The following CTNNA3 variants were observed in gnomAD, a reference collection of about 807,000 sequenced individuals.
The protein encoded by CTNNA3 is catenin alpha-3.
Under a neutral mutation model 95.7 loss-of-function variants are expected in CTNNA3, and 76 were observed. That is an observed-to-expected ratio of 0.79 (90% CI 0.66 to 0.96). The LOEUF is 0.96. Ranked by LOEUF, CTNNA3 falls within the 40% of genes least tolerant of loss-of-function variation. The pLI is 0.00. For synonymous variants in CTNNA3, 431 were observed against 374.4 expected, an observed-to-expected ratio of 1.15 and a Z score of -1.74; for missense variants, 1,191 against 1,089.8, an observed-to-expected ratio of 1.09 and a Z score of -1.31.
At chr10:66,910,679 G>A (rs77216929) in intron 7 of CTNNA3, among the ~76,000 whole-genome samples, 12,657 of 152,234 alleles carry the variant, frequency 0.083, 606 homozygotes, top group Middle Eastern at 0.13. Context: ...AGAGCTGTGA[G>A]GCAGAACAGA....
chr10:67,682,311 A>T (rs2133570584), intron 1 of CTNNA3, among the ~76,000 whole-genome samples: 1 of 151,170 alleles, frequency 6.6e-6, no homozygotes, highest in African/African-American at 2.4e-5. Flanking sequence ...TGGGTGACAG[A>T]GCGAGACTCT....
At chr10:66,197,816 C>T (rs2131902956) in intron 13 of CTNNA3, among the ~76,000 whole-genome samples, 1 of 152,216 alleles carries the variant, frequency 6.6e-6, no homozygotes, top group African/African-American at 2.4e-5. Flanking sequence ...CAAACACCAG[C>T]TTCATGTAAG....
intron 1 of CTNNA3, among the ~76,000 whole-genome samples, chr10:67,735,900 T>A (rs1010052229): frequency 1.1e-4 from 16 of 152,154 alleles, no homozygotes; most frequent in Non-Finnish European, 1.9e-4. Flanking sequence ...AAGGTAGAAA[T>A]AATCCAATGA....
chr10:67,134,044 A>G (rs1017577185), intron 7 of CTNNA3, among the ~76,000 whole-genome samples: 2 of 152,106 alleles, frequency 1.3e-5, no homozygotes, highest in Non-Finnish European at 1.5e-5. Flanking sequence ...GATTTGCCCA[A>G]TGTTACACAG....
chr10:66,858,771 C>G (rs368277640), intron 7 of CTNNA3, among the ~76,000 whole-genome samples: 4 of 151,864 alleles, frequency 2.6e-5, no homozygotes, highest in African/African-American at 9.6e-5. Flanking sequence ...AGTTGGATAT[C>G]CTCTCTTTTT....
At chr10:66,511,014 T>A (rs755678272) in intron 11 of CTNNA3, among the ~76,000 whole-genome samples, 1 of 151,834 alleles carries the variant, frequency 6.6e-6, no homozygotes, top group Non-Finnish European at 1.5e-5. Flanking sequence ...ATCCATCTGG[T>A]CTTGGACTTT....
Position 66,817,314 on chromosome 10 carries a change from A to C in CTNNA3, c.1048-41790T>G, listed in dbSNP as rs561209668. ...CAAATCAAGAAAATAATAATAATTA[A>C]ACTAGAAATAAATGATAAAAGAGGA... On this transcript the variant is annotated intron_variant, in intron 7 of 17. Coordinates refer to ENST00000433211, the MANE Select transcript of CTNNA3 (RefSeq NM_013266.4). 2.4e-3 allele frequency among the ~76,000 whole-genome samples: 361 copies of C among 152,038 alleles called. 2 individuals are homozygous for C. The highest frequency in any genetic ancestry group is 8.2e-3 in the African/African-American group (341 of 41,560).
intron 9 of CTNNA3, among the ~76,000 whole-genome samples, chr10:66,764,548 T>G (rs1839762897): frequency 6.6e-6 from 1 of 152,196 alleles, no homozygotes; most frequent in Non-Finnish European, 1.5e-5. Context: ...AAAACTAAAC[T>G]GAGAAATAGG....
In CTNNA3 at chr10:66,367,493, A is replaced by T. The variant is rs533408719; in HGVS notation, c.1732+11659T>A. On this transcript the variant is annotated intron_variant, in intron 12 of 17. Transcript: ENST00000433211. ...CATATAATACATATATTTATATATA[A>T]TATTGTAAATATATAGAAACATATG... Among the ~76,000 whole-genome samples the T allele has an allele frequency of 4.0e-5, 6 of 149,732 alleles. No individual in the cohort carries two copies. In the East Asian group the frequency reaches 1.2e-3, roughly 29 times the overall value.
intron 13 of CTNNA3, among the ~76,000 whole-genome samples, chr10:66,131,980 C>A (rs750278216): frequency 2.3e-4 from 35 of 151,942 alleles, no homozygotes; most frequent in Non-Finnish European, 4.4e-4. Flanking sequence ...CCATTCAGGA[C>A]GTGGGAAGGG....
intron 5 of CTNNA3, among the ~76,000 whole-genome samples, chr10:67,462,255 T>G (rs1847406188): frequency 6.6e-6 from 1 of 152,162 alleles, no homozygotes; most frequent in African/African-American, 2.4e-5. Context: ...GACAGATGCC[T>G]TCTCTGACTC....
chr10:66,439,476 G>A (rs1231752249), intron 11 of CTNNA3, among the ~76,000 whole-genome samples: 1 of 152,064 alleles, frequency 6.6e-6, no homozygotes, highest in African/African-American at 2.4e-5. Context: ...GTTAGCATGT[G>A]CATATTTCTG....
chr10:67,172,091 T>G (rs971466792), intron 7 of CTNNA3, among the ~76,000 whole-genome samples: 1 of 152,246 alleles, frequency 6.6e-6, no homozygotes, highest in Admixed American at 6.5e-5. Flanking sequence ...GCACAGGCTC[T>G]TACCCCTTTC....
At chr10:67,158,198 C>T (rs1345555723) in intron 7 of CTNNA3, among the ~76,000 whole-genome samples, 5 of 152,196 alleles carry the variant, frequency 3.3e-5, no homozygotes, top group Middle Eastern at 3.4e-3. Context: ...CTCCTGGCTT[C>T]CCTGTCTATG....
chr10:65,925,951 A>G (rs765838707), intron 17 of CTNNA3, among the ~76,000 whole-genome samples: 60 of 151,570 alleles, frequency 4.0e-4, no homozygotes, highest in Non-Finnish European at 6.9e-4. Context: ...TACACATAAT[A>G]TATAAAATGA....
chr10:66,073,981 C>T (rs1484068017), intron 14 of CTNNA3, among the ~76,000 whole-genome samples: 1 of 152,010 alleles, frequency 6.6e-6, no homozygotes, highest in East Asian at 1.9e-4. Flanking sequence ...ATTACAGACA[C>T]TCGGAAGCCT....
chr10:66,435,340 G>T (rs1311317504), intron 11 of CTNNA3, among the ~76,000 whole-genome samples: 1 of 151,976 alleles, frequency 6.6e-6, no homozygotes, highest in African/African-American at 2.4e-5. Context: ...TTATTGTTCT[G>T]TTCAGAGATT....
At chr10:67,275,556 G>A (rs565839788) in intron 5 of CTNNA3, among the ~76,000 whole-genome samples, 37 of 152,002 alleles carry the variant, frequency 2.4e-4, no homozygotes, top group African/African-American at 8.2e-4. Context: ...AAGAATAACA[G>A]TAAACCCTAA....
At chr10:67,132,914 C>T (rs1339487006) in intron 7 of CTNNA3, among the ~76,000 whole-genome samples, 3 of 151,608 alleles carry the variant, frequency 2.0e-5, no homozygotes, top group South Asian at 2.1e-4. Context: ...GAGACTGGGA[C>T]GGGTGAGTGG....
Sources: allele counts gnomAD v4.1 joint callset (sites outside exome capture counted in the v4.1 genomes callset), GRCh38; gene constraint gnomAD v4.1.1; transcripts MANE v1.5; gene names NCBI Gene and HGNC (gene_info 2026-07-23, HGNC 2026-07-21).